Variants in ADAMTS2 observed in about 807,000 individuals in gnomAD.
ADAMTS2 encodes ADAM metallopeptidase with thrombospondin type 1 motif 2, also known as A disintegrin and metalloproteinase with thrombospondin motifs 2.
A neutral mutation model predicts 123.0 loss-of-function variants in ADAMTS2; 50 were observed. The observed-to-expected ratio is 0.41, with a 90% CI of 0.32 to 0.51. ADAMTS2 has a LOEUF of 0.51. Ranked by LOEUF, ADAMTS2 falls within the 20% of genes least tolerant of loss-of-function variation. The pLI is 0.35. For missense variants in ADAMTS2, 1,494 were observed against 1,705.2 expected, an observed-to-expected ratio of 0.88 and a Z score of 2.18; for synonymous variants, 678 against 695.4, an observed-to-expected ratio of 0.98 and a Z score of 0.39.
rs1765267347 is a variant in ADAMTS2, at chr5:179,225,713, C to A, written c.689-17998G>T. 1.3e-5 allele frequency among the ~76,000 whole-genome samples: 2 copies of A among 152,146 alleles called. No homozygotes were observed. The highest frequency in any genetic ancestry group is 2.9e-5 in the Non-Finnish European group (2 of 68,020). ...AGGAGAGCCCAGGCTGCTTAGCGGC[C>A]CGACTCCAGGGAAAGCCCTTTGCAC... On this transcript the variant is annotated intron_variant, in intron 3 of 21. Coordinates refer to ENST00000251582, the MANE Select transcript of ADAMTS2 (RefSeq NM_014244.5). The surrounding 1 kb of genome is among the most constrained non-coding windows in gnomAD (Gnocchi z 4.5).
chr5:179,198,714 G>A (rs1684695884), intron 4 of ADAMTS2, among the ~76,000 whole-genome samples: 1 of 152,100 alleles, frequency 6.6e-6, no homozygotes, highest in African/African-American at 2.4e-5. Flanking sequence ...CGTGCCAGTA[G>A]TCCCAGGTAC....
chr5:179,226,107 C>T (rs1423890785), intron 3 of ADAMTS2, among the ~76,000 whole-genome samples: 1 of 152,202 alleles, frequency 6.6e-6, no homozygotes, highest in African/African-American at 2.4e-5. Context: ...CCATAGCACG[C>T]CCTGCGAGGA....
At chr5:179,183,788 C>G (rs367629094) in intron 4 of ADAMTS2, among the ~76,000 whole-genome samples, 2 of 152,190 alleles carry the variant, frequency 1.3e-5, no homozygotes, top group Non-Finnish European at 2.9e-5. Context: ...CCTACTGCCC[C>G]CCACCAGGCC....
chr5:179,149,989 G>A (rs542254104), intron 10 of ADAMTS2, among the ~76,000 whole-genome samples: 2 of 152,344 alleles, frequency 1.3e-5, no homozygotes, highest in Non-Finnish European at 2.9e-5. Flanking sequence ...CTGTGAGGTG[G>A]GGACACTTCG....
Position 179,196,651 on chromosome 5 carries a change from C to T in ADAMTS2, c.891+10862G>A, listed in dbSNP as rs1049796692. On this transcript the variant is annotated intron_variant, in intron 4 of 21. Coordinates refer to ENST00000251582, the MANE Select transcript of ADAMTS2 (RefSeq NM_014244.5). ...AGTACTTCCCTAATACGTACACCCACGTGCACTGATGTAGTGAAAGGCACA... is the reference window on the plus strand; with the variant it reads ...AGTACTTCCCTAATACGTACACCCATGTGCACTGATGTAGTGAAAGGCACA... Among the ~76,000 whole-genome samples the T allele has an allele frequency of 5.3e-5, 8 of 152,356 alleles. No homozygotes were observed. In the South Asian group the frequency reaches 6.2e-4, roughly 12 times the overall value.
In ADAMTS2 at chr5:179,303,229, G is replaced by C. The variant is rs896586447; in HGVS notation, c.535-30165C>G. Among the ~76,000 whole-genome samples, 1 of 152,152 alleles carries C rather than the reference G, an allele frequency of 6.6e-6. No homozygotes were observed. Among genetic ancestry groups the C allele is most frequent in the Non-Finnish European group, 1.5e-5 (1 of 68,008 alleles). ...GTTCAGCAGGGATCTGCCTATGGCTGTATTTCTGCTGGTAGAAGTCCCTCC... is the reference window on the plus strand; with the variant it reads ...GTTCAGCAGGGATCTGCCTATGGCTCTATTTCTGCTGGTAGAAGTCCCTCC... On this transcript the variant is annotated intron_variant, in intron 2 of 21. Coordinates refer to ENST00000251582, the MANE Select transcript of ADAMTS2 (RefSeq NM_014244.5). This position sits in a 1 kb window ranked among gnomAD's most constrained non-coding sequence, Gnocchi z 4.7.
Position 179,209,528 on chromosome 5 carries a change from ACACACACATG to A in ADAMTS2, c.689-1823_689-1814del, listed in dbSNP as rs201346674. 2.3e-3 allele frequency among the ~76,000 whole-genome samples: 354 copies of A among 151,600 alleles called. 2 individuals carry two copies. The highest frequency in any genetic ancestry group is 8.2e-3 in the African/African-American group (339 of 41,292). ...CCTCGGCGCACACACACATGCACAC[ACACACACATG>A]CACACACATGTACACACACACAAGC... On this transcript the variant is annotated intron_variant, in intron 3 of 21. Coordinates refer to ENST00000251582, the MANE Select transcript of ADAMTS2 (RefSeq NM_014244.5).
intron 3 of ADAMTS2, among the ~76,000 whole-genome samples, chr5:179,244,245 A>G (rs1413849326): frequency 6.6e-6 from 1 of 152,256 alleles, no homozygotes; most frequent in African/African-American, 2.4e-5. Context: ...CGAAAGCCAA[A>G]GACAAAGAGA....
rs886060493 is a variant in ADAMTS2, at chr5:179,132,244, G to T, written c.2276C>A (p.Thr759Asn). The change falls in exon 15 of 22, where the codon ACC (threonine) becomes AAC (asparagine). Residue 759 changes from threonine (T) to asparagine (N), a missense_variant. Physicochemically the swap from Thr to Asn is moderately conservative, Grantham distance 65 (BLOSUM62 0). Around this residue, in one of 6 missense-constraint regions of ADAMTS2, gnomAD observed 953 missense variants for 1,124.7 expected, o/e 0.85. Coordinates refer to ENST00000251582, the MANE Select transcript of ADAMTS2 (RefSeq NM_014244.5). The surrounding 1 kb of genome is among the most constrained non-coding windows in gnomAD (Gnocchi z 6.1). ...CTGAGACTCACCCAGATGGTGGCTGGTGGCGTCTACCTCCTGAATGAGCAG... is the reference window on the plus strand; with the variant it reads ...CTGAGACTCACCCAGATGGTGGCTGTTGGCGTCTACCTCCTGAATGAGCAG... ...RHLLIQEVDA[T>N]SHHLAVKNLE... The T allele has an allele frequency of 6.2e-7, 1 of 1,614,108 alleles. No homozygotes were observed.
intron 2 of ADAMTS2, among the ~76,000 whole-genome samples, chr5:179,305,777 T>A (rs1303897869): frequency 6.6e-6 from 1 of 151,994 alleles, no homozygotes; most frequent in African/African-American, 2.4e-5. Flanking sequence ...ATTACCAGTA[T>A]CAGAATATTT....
intron 4 of ADAMTS2, among the ~76,000 whole-genome samples, chr5:179,193,540 A>G (rs1480794496): frequency 6.6e-6 from 1 of 152,190 alleles, no homozygotes; most frequent in Non-Finnish European, 1.5e-5. Flanking sequence ...TGGACGATGG[A>G]GACACAGCCT....
intron 2 of ADAMTS2, among the ~76,000 whole-genome samples, chr5:179,325,309 C>T (rs1160524785): frequency 6.6e-6 from 1 of 152,088 alleles, no homozygotes; most frequent in East Asian, 1.9e-4. Flanking sequence ...GGGAGCATTT[C>T]GGGTGGGGCA....
At chr5:179,343,628 C>A in intron 2 of ADAMTS2, 139 bp downstream of exon 2, 1 of 1,209,528 alleles carries the variant, frequency 8.3e-7, no homozygotes. Flanking sequence ...AGTTGGAGCA[C>A]GAGGCTCACT....
At chr5:179,135,340 G>C (rs1056193558) in intron 13 of ADAMTS2, among the ~76,000 whole-genome samples, 11 of 152,202 alleles carry the variant, frequency 7.2e-5, no homozygotes, top group Non-Finnish European at 1.6e-4. Context: ...GGTTGTTTTC[G>C]GGGGAGCCTG....
rs1189477489 is a variant in ADAMTS2 at position 179,197,644 on chromosome 5, C to G, written c.891+9869G>C. Reference sequence around the variant, plus strand: ...CTGCTTGGGAGGCTGAAGTTTGAGGCTGCAGTGAGCTATGATTGCAGCACT... The same window carrying G: ...CTGCTTGGGAGGCTGAAGTTTGAGGGTGCAGTGAGCTATGATTGCAGCACT... On this transcript the variant is annotated intron_variant, in intron 4 of 21. Transcript: ENST00000251582. This position sits in a 1 kb window ranked among gnomAD's most constrained non-coding sequence, Gnocchi z 4.2. Among the ~76,000 whole-genome samples, 1 of 152,070 alleles carries G rather than the reference C, an allele frequency of 6.6e-6. No individual in the cohort carries two copies. The highest frequency in any genetic ancestry group is 2.4e-5 in the African/African-American group (1 of 41,390).
In ADAMTS2 at chr5:179,256,980, A is replaced by G. The variant is rs941077491; in HGVS notation, c.688+15931T>C. 6.6e-6 allele frequency among the ~76,000 whole-genome samples: 1 copy of G among 152,238 alleles called. No homozygotes were observed. The highest frequency in any genetic ancestry group is 2.4e-5 in the African/African-American group (1 of 41,476). ...GGCCAGAGCAAGGACTCCGCAGGCC[A>G]GGCCCACACTGGCGGCCCCGGCTGC... On this transcript the variant is annotated intron_variant, in intron 3 of 21. Coordinates refer to ENST00000251582, the MANE Select transcript of ADAMTS2 (RefSeq NM_014244.5). This position sits in a 1 kb window ranked among gnomAD's most constrained non-coding sequence, Gnocchi z 4.1.
intron 13 of ADAMTS2, among the ~76,000 whole-genome samples, chr5:179,134,921 C>T (rs1488444716): frequency 1.8e-5 from 2 of 109,020 alleles, no homozygotes; most frequent in Non-Finnish European, 2.0e-5. Context: ...CCCCAGCTCC[C>T]GGCTCCAGCC....
intron 3 of ADAMTS2, among the ~76,000 whole-genome samples, chr5:179,261,712 T>C (rs374897641): frequency 3.9e-5 from 6 of 152,196 alleles, no homozygotes. Context: ...AGGCTCTGCC[T>C]GCAAAGGCCT....
chr5:179,257,814 C>A (rs1279851620), intron 3 of ADAMTS2, among the ~76,000 whole-genome samples: 1 of 152,230 alleles, frequency 6.6e-6, no homozygotes, highest in Non-Finnish European at 1.5e-5. Context: ...CCTCCTGACC[C>A]CCATCCCGGC....
Sources: gnomAD v4.1 joint callset for allele counts (sites outside exome capture counted in the v4.1 genomes callset) on GRCh38, gnomAD v4.1.1 for gene constraint, gnomAD v4.1.1 regional missense constraint, Gnocchi (gnomAD v3.1) non-coding constraint, MANE v1.5 for transcripts, NCBI Gene and HGNC (gene_info 2026-07-23, HGNC 2026-07-21) for gene names.